NARF: variants seen among roughly 807,000 people sequenced by gnomAD.
NARF encodes nuclear prelamin A recognition factor.
In NARF, 41 loss-of-function variants were observed where a neutral mutation model predicts 48.0. That is an observed-to-expected ratio of 0.85 (90% CI 0.66 to 1.11). The LOEUF is 1.11. Among genes scored for constraint, NARF ranks in the 50% least tolerant of loss-of-function variants. NARF has a pLI of 0.00. For missense variants in NARF, 613 were observed against 590.2 expected (o/e 1.04, Z -0.40); for synonymous variants, 215 against 225.5 (o/e 0.95, Z 0.42).
At position 82,483,222 on chromosome 17, in the gene NARF, G is replaced by A. The variant is rs746840389; in HGVS notation, c.770-494G>A. On this transcript the variant is annotated intron_variant, in intron 7 of 10. Transcript: ENST00000309794. ...TAATCACAGCTACTCAGGAGGCTGC[G>A]GCAAGAGAATCACTTGAACCCGGGA... 4.3e-5 allele frequency: 16 copies of A among 372,370 alleles called. No homozygotes were observed. The East Asian group carries it at 1.4e-3, about 32-fold the overall frequency. The allele number at this position is 372,370 out of a possible 1,614,324, so 23.1% of individuals were successfully genotyped here.
chr17:82,466,434 G>T (rs1362874093), intron 3 of NARF, among the ~76,000 whole-genome samples: 11 of 152,108 alleles, frequency 7.2e-5, no homozygotes, highest in Non-Finnish European at 1.3e-4. Flanking sequence ...TACGGTGTGC[G>T]ATGTGAATAC....
chr17:82,473,863 T>C (rs2043773371), intron 5 of NARF, among the ~76,000 whole-genome samples: 1 of 152,212 alleles, frequency 6.6e-6, no homozygotes, highest in Admixed American at 6.5e-5. Flanking sequence ...CGTCCTCTAA[T>C]TTTTTAAATA....
intron 10 of NARF, 122 bp from the exon 11 acceptor site, chr17:82,487,793 TC>T: frequency 8.2e-5 from 33 of 400,994 alleles, no homozygotes; most frequent in East Asian, 3.1e-4. Context: ...CCGCCCAATC[TC>T]TACAAAAAAT....
chr17:82,484,863 C>G lies in NARF; in HGVS notation c.884C>G (p.Ser295Ter). 6.2e-7 allele frequency: 1 copy of G among 1,612,694 alleles called. No homozygotes were observed. The highest frequency in any genetic ancestry group is 8.5e-7 in the Non-Finnish European group (1 of 1,179,338). ...DKVTRHDGAS[S>*]DGHLAHIFRH... is the part of the protein sequence containing the mutation. ...GTGACGCGTCATGATGGAGCCAGCT[C>G]AGACGGGCACCTGGCACACATCTTC... is the stretch of plus-strand genomic sequence containing the variant. The change falls in exon 9 of 11, where the codon TCA becomes TGA. Residue 295 changes from serine (S) to a stop codon, truncating the protein, a stop_gained. Transcript: ENST00000309794. LOFTEE classifies it high-confidence loss of function.
At chr17:82,485,469 A>G (rs760068735) in intron 9 of NARF, 28 bp from the exon 10 acceptor site, 4 of 1,611,494 alleles carry the variant, frequency 2.5e-6, no homozygotes, top group Non-Finnish European at 3.4e-6. Flanking sequence ...GACTTGATGG[A>G]TCAAAATTCT....
chr17:82,488,082 C>T lies in NARF; in HGVS notation c.1296C>T (p.Pro432=), dbSNP rs1164519149. The part of the protein sequence containing the change: ...YQEWLEGINS[P]KAREVLHTTY... ...AGTGGCTGGAGGGGATCAACTCCCC[C>T]AAGGCCCGAGAGGTGCTGCATACCA... is the stretch of plus-strand genomic sequence containing the variant. The change falls in exon 11 of 11, where the codon CCC becomes CCT. Residue 432 remains proline (P), a synonymous_variant. Coordinates refer to ENST00000309794, the MANE Select transcript of NARF (RefSeq NM_012336.4). 1 of 1,613,892 alleles carries T rather than the reference C, an allele frequency of 6.2e-7. No individual in the cohort carries two copies. Among genetic ancestry groups the T allele is most frequent in the East Asian group, 2.2e-5 (1 of 44,886 alleles).
chr17:82,472,494 A>G lies in NARF; in HGVS notation c.386-70A>G, dbSNP rs375728953. 50 of 1,497,940 alleles carry G rather than the reference A, an allele frequency of 3.3e-5. 1 individual carries two copies. The highest frequency in any genetic ancestry group is 1.9e-4 in the African/African-American group (13 of 69,856). 92.8% of individuals were successfully genotyped at this position (1,497,940 alleles called of 1,614,324 possible). A position where few individuals can be genotyped will look rare whatever the true frequency, so the allele number is the denominator to read the frequency against. Reference sequence around the variant, plus strand: ...ACGAGACTCCGTCTCAAAAAAAAAAAAAAAGAGGAAGCCTAAAAGTAGATC... The same window carrying G: ...ACGAGACTCCGTCTCAAAAAAAAAAGAAAAGAGGAAGCCTAAAAGTAGATC... On this transcript the variant is annotated intron_variant, in intron 4 of 10. Coordinates refer to ENST00000309794, the MANE Select transcript of NARF (RefSeq NM_012336.4).
In NARF at chr17:82,478,907, G is replaced by T; in HGVS notation, c.628G>T (p.Ala210Ser). 2 of 1,613,626 alleles carry T rather than the reference G, an allele frequency of 1.2e-6. No individual in the cohort carries two copies. The highest frequency in any genetic ancestry group is 1.7e-6 in the Non-Finnish European group (2 of 1,179,808). ...VMGSLVKDYF[A>S]RQQNLSPEKI... ...GGGCTCTTTGGTGAAGGATTATTTCGCCAGACAGCAGGTAAGCTGACCTCT... is the reference window on the plus strand; with the variant it reads ...GGGCTCTTTGGTGAAGGATTATTTCTCCAGACAGCAGGTAAGCTGACCTCT... The change falls in exon 6 of 11, where the codon GCC becomes TCC. Residue 210 changes from alanine to serine, a missense_variant. Ala to Ser is a moderately conservative substitution (Grantham distance 99). Transcript: ENST00000309794.
chr17:82,480,429 C>T, intron 6 of NARF: 1 of 402,246 alleles, frequency 2.5e-6, no homozygotes, highest in Non-Finnish European at 4.4e-6. Context: ...ATGGGCTCAG[C>T]CTTCCCGGTT....
At chr17:82,485,274 T>A (rs28457140) in intron 9 of NARF, among the ~76,000 whole-genome samples, 21,330 of 151,742 alleles carry the variant, frequency 0.14, 2,793 homozygotes, top group African/African-American at 0.35. Context: ...ACAAAAAATT[T>A]GCCGAGTGTG....
At chr17:82,478,495 C>T in intron 5 of NARF, 1 of 472,896 alleles carries the variant, frequency 2.1e-6, no homozygotes, top group South Asian at 1.6e-5. Flanking sequence ...GCTCCTGCTG[C>T]CTTTCAGTGC....
chr17:82,461,394 C>T (rs1484080189), intron 2 of NARF, among the ~76,000 whole-genome samples: 1 of 152,140 alleles, frequency 6.6e-6, no homozygotes, highest in Non-Finnish European at 1.5e-5. Context: ...GGTGGATTAC[C>T]TGAGGTCAGG....
chr17:82,485,840 C>A (rs958346770), intron 10 of NARF, among the ~76,000 whole-genome samples, 186 bp downstream of exon 10: 6 of 152,216 alleles, frequency 3.9e-5, no homozygotes, highest in Non-Finnish European at 7.3e-5. Context: ...TGGTTTTGCT[C>A]TTTTCCTCAC....
At chr17:82,470,535 C>A (rs2043674446) in intron 4 of NARF, among the ~76,000 whole-genome samples, 1 of 152,122 alleles carries the variant, frequency 6.6e-6, no homozygotes, top group South Asian at 2.1e-4. Flanking sequence ...TGATCTGTCA[C>A]CCAGGCTGGG....
At chr17:82,472,026 C>T (rs957429744) in intron 4 of NARF, among the ~76,000 whole-genome samples, 1 of 151,996 alleles carries the variant, frequency 6.6e-6, no homozygotes, top group Non-Finnish European at 1.5e-5. Context: ...AAATCATACA[C>T]GCTCATTGTT....
In NARF at chr17:82,468,820, G is replaced by A. The variant is rs79712580; in HGVS notation, c.309G>A (p.Leu103=). The A allele has an allele frequency of 3.1e-6, 5 of 1,613,978 alleles. No homozygotes were observed. Among genetic ancestry groups the A allele is most frequent in the Non-Finnish European group, 4.2e-6 (5 of 1,179,918 alleles). The change falls in exon 4 of 11, where the codon TTG becomes TTA. Residue 103 remains leucine (L), a synonymous_variant. Transcript: ENST00000309794. ...TAGTGTCTGTGTGTCCTCAATCTTT[G>A]CCTTATTTTGCTGCTAAATTCAACC... ...VLVVSVCPQS[L]PYFAAKFNLS... is the part of the protein sequence containing the mutation.
chr17:82,485,644 C>T lies in NARF; in HGVS notation c.1119C>T (p.Ala373=), dbSNP rs2143965345. The T allele has an allele frequency of 6.2e-7, 1 of 1,614,100 alleles. No homozygotes were observed. The highest frequency in any genetic ancestry group is 2.2e-5 in the East Asian group (1 of 44,882). The part of the protein sequence containing the change: ...KFPFHFVEVL[A]CAGGCLNGRG... ...CATTCCACTTTGTGGAGGTCCTCGC[C>T]TGTGCTGGAGGTGAGGCGCCAAGAG... Residue 373 remains alanine (A), a synonymous_variant, in exon 10 of 11, where the codon GCC becomes GCT. Coordinates refer to ENST00000309794, the MANE Select transcript of NARF (RefSeq NM_012336.4).
chr17:82,485,158 G>A lies in NARF; in HGVS notation c.971+208G>A, dbSNP rs138700846. 6.8e-3 allele frequency among the ~76,000 whole-genome samples: 1,036 copies of A among 152,210 alleles called. 14 individuals carry two copies. Among genetic ancestry groups the A allele is most frequent in the African/African-American group, 0.023 (958 of 41,508 alleles). On this transcript the variant is annotated intron_variant, in intron 9 of 10. Transcript: ENST00000309794. Reference sequence around the variant, plus strand: ...TGTTCTTGGCCGGGTGCGGTGGCTCGTGCCTGTAATCCCAGCACTCTGGGA... The same window carrying A: ...TGTTCTTGGCCGGGTGCGGTGGCTCATGCCTGTAATCCCAGCACTCTGGGA...
chr17:82,464,455 A>G, intron 3 of NARF, 25 bp downstream of exon 3: 2 of 1,595,980 alleles, frequency 1.3e-6, no homozygotes, highest in Non-Finnish European at 1.7e-6. Context: ...GCATTTGCTG[A>G]TGCTGGGGAG....
Sources: allele counts gnomAD v4.1 joint callset (sites outside exome capture counted in the v4.1 genomes callset), GRCh38; gene constraint gnomAD v4.1.1; transcripts MANE v1.5; gene names NCBI Gene and HGNC (gene_info 2026-07-23, HGNC 2026-07-21).